Variants in SETD5 observed in about 807,000 individuals in gnomAD.
The protein encoded by SETD5 is SET domain containing 5, also known as histone-lysine N-methyltransferase SETD5.
A neutral mutation model predicts 153.3 loss-of-function variants in SETD5; 44 were observed. That is an observed-to-expected ratio of 0.29 (90% CI 0.23 to 0.37). The LOEUF is 0.37. SETD5 is among the 10% of genes least tolerant of loss of function. The probability of loss-of-function intolerance (pLI) is 1.00; values close to 1 mark genes in which losing one functional copy is unlikely to be tolerated. For missense variants in SETD5, 1,544 were observed against 1,768.0 expected (o/e 0.87, Z 2.27); for synonymous variants, 716 against 645.2 (o/e 1.11, Z -1.66).
At chr3:9,431,727 A>G in intron 3 of SETD5, 1 of 985,554 alleles carries the variant, frequency 1.0e-6, no homozygotes, top group Non-Finnish European at 1.2e-6. Flanking sequence ...TGAAGTGCAT[A>G]TGTTCATATT....
In SETD5 at chr3:9,476,950, A is replaced by T. The variant is rs1367219099; in HGVS notation, c.*859A>T. 4 of 152,662 alleles carry T rather than the reference A, an allele frequency of 2.6e-5. No homozygotes were observed. The highest frequency in any genetic ancestry group is 2.6e-4 in the Admixed American group (4 of 15,286). The allele number at this position is 152,662 out of a possible 1,614,324, so 9.5% of individuals were successfully genotyped here. A position where few individuals can be genotyped will look rare whatever the true frequency, so the allele number is the denominator to read the frequency against. Reference sequence around the variant, plus strand: ...TTGGCAATAAATTTCATTAGGAAGGATACCGAGTGGTTTGGGAATGCTTCG... The same window carrying T: ...TTGGCAATAAATTTCATTAGGAAGGTTACCGAGTGGTTTGGGAATGCTTCG... On this transcript the variant is annotated 3_prime_UTR_variant, in exon 23 of 23. Coordinates refer to ENST00000402198, the MANE Select transcript of SETD5 (RefSeq NM_001080517.3).
intron 20 of SETD5, among the ~76,000 whole-genome samples, chr3:9,473,741 A>G (rs907495726): frequency 1.4e-4 from 21 of 152,186 alleles, no homozygotes; most frequent in Admixed American, 1.3e-3. Flanking sequence ...AGAATTACCA[A>G]CATGCCTGTG....
At chr3:9,453,709 T>G (rs753745593) in intron 16 of SETD5, 30 bp from the exon 17 acceptor site, 1 of 1,558,992 alleles carries the variant, frequency 6.4e-7, no homozygotes, top group South Asian at 1.2e-5. Flanking sequence ...AGATAATTAT[T>G]GATAATTCTC....
chr3:9,461,587 AAAAGTAGGC>A (rs1256440041), intron 17 of SETD5, among the ~76,000 whole-genome samples: 1 of 152,224 alleles, frequency 6.6e-6, no homozygotes, highest in Non-Finnish European at 1.5e-5. Flanking sequence ...GAAAAAGAGA[AAAAGTAGGC>A]AAATGACTTG....
chr3:9,461,748 A>G (rs1276438659), intron 17 of SETD5, among the ~76,000 whole-genome samples: 2 of 152,228 alleles, frequency 1.3e-5, no homozygotes, highest in African/African-American at 4.8e-5. Context: ...CCTGTATCTT[A>G]TAACTCCTTT....
chr3:9,462,711 C>G (rs1424505351), intron 17 of SETD5, among the ~76,000 whole-genome samples: 1 of 151,994 alleles, frequency 6.6e-6, no homozygotes, highest in Admixed American at 6.6e-5. Flanking sequence ...AATTCAAGGC[C>G]AACATGGTGA....
intron 20 of SETD5, 132 bp downstream of exon 20, chr3:9,473,669 C>A: frequency 1.1e-6 from 1 of 900,768 alleles, no homozygotes; most frequent in Non-Finnish European, 1.7e-6. Flanking sequence ...GCCAACAGTA[C>A]CATCTGTCCT....
At chr3:9,449,671 G>A (rs1259618416) in intron 16 of SETD5, 1 of 152,176 alleles carries the variant, frequency 6.6e-6, no homozygotes, top group Non-Finnish European at 1.5e-5. Flanking sequence ...CCGGGGGAGG[G>A]GGGCATGAAA....
intron 16 of SETD5, among the ~76,000 whole-genome samples, chr3:9,451,756 G>A (rs2042653154): frequency 6.6e-6 from 1 of 152,198 alleles, no homozygotes. Flanking sequence ...TCACAGCCAA[G>A]TGTCAAGCCA....
intron 2 of SETD5, chr3:9,426,252 T>TTTTTTTTTTG (rs2039222851): frequency 7.4e-6 from 1 of 134,874 alleles, no homozygotes; most frequent in Non-Finnish European, 1.5e-5. Context: ...TTTTTTTTTT[T>TTTTTTTTTTG]GGCAACAGGG....
At chr3:9,464,762 C>T in intron 18 of SETD5, 90 bp downstream of exon 18, 4 of 1,583,246 alleles carry the variant, frequency 2.5e-6, no homozygotes, top group Non-Finnish European at 3.5e-6. Context: ...CCAAATGTTT[C>T]TTTACTATCT....
At chr3:9,431,844 A>G in intron 3 of SETD5, 7 of 437,374 alleles carry the variant, frequency 1.6e-5, no homozygotes, top group Non-Finnish European at 2.1e-5. Flanking sequence ...ACCAAAAAAA[A>G]ATCCATTCCT....
At chr3:9,473,116 G>C in intron 19 of SETD5, 120 bp from the exon 20 acceptor site, 1 of 1,223,050 alleles carries the variant, frequency 8.2e-7, no homozygotes. Context: ...TGCTTTGTTT[G>C]CGTGGCTTGG....
Position 9,433,732 on chromosome 3 carries a change from T to C in SETD5, c.72-113T>C. The C allele has an allele frequency of 2.7e-6, 3 of 1,106,720 alleles. No individual in the cohort carries two copies. In the South Asian group the frequency reaches 4.0e-5, roughly 15 times the overall value. 68.6% of individuals were successfully genotyped at this position (1,106,720 alleles called of 1,614,324 possible). Reference sequence around the variant, plus strand: ...TTGTTTCACCGAGTTCTTTCTCTTATCCTAGTGGCTAGTGGTTGTGGAAAG... The same window carrying C: ...TTGTTTCACCGAGTTCTTTCTCTTACCCTAGTGGCTAGTGGTTGTGGAAAG... On this transcript the variant is annotated intron_variant, in intron 3 of 22. Transcript: ENST00000402198.
chr3:9,403,501 C>T (rs1365866375), intron 1 of SETD5, among the ~76,000 whole-genome samples: 2 of 152,264 alleles, frequency 1.3e-5, no homozygotes, highest in Admixed American at 1.3e-4. Context: ...TCGTAGTTGT[C>T]TACAATTTTA....
chr3:9,445,792 C>T, intron 13 of SETD5, 52 bp downstream of exon 13: 3 of 1,297,350 alleles, frequency 2.3e-6, no homozygotes, highest in Non-Finnish European at 3.2e-6. Context: ...CTACCTCCAT[C>T]ATGTGAACCT....
chr3:9,446,306 A>AAAAAAAC lies in SETD5; in HGVS notation c.1524+568_1524+569insAAAACAA, dbSNP rs1553624517. On this transcript the variant is annotated intron_variant, in intron 13 of 22. Coordinates refer to ENST00000402198, the MANE Select transcript of SETD5 (RefSeq NM_001080517.3). ...CATCTCAAAAAAAAAAAAAAAAAAA[A>AAAAAAAC]AATCTGGTTTCCGAAAAACTGGCTG... 2.4e-4 allele frequency among the ~76,000 whole-genome samples: 29 copies of AAAAAAAC among 120,188 alleles called. 2 individuals are homozygous for AAAAAAAC. Among genetic ancestry groups the AAAAAAAC allele is most frequent in the East Asian group, 4.8e-4 (2 of 4,140 alleles). 78.8% of individuals were successfully genotyped at this position (120,188 alleles called of 152,430 possible).
chr3:9,399,527 A>C (rs1476725594), intron 1 of SETD5, among the ~76,000 whole-genome samples: 4 of 151,970 alleles, frequency 2.6e-5, no homozygotes, highest in Admixed American at 6.6e-5. Flanking sequence ...TAGAGTCTTT[A>C]AGGTTTACTC....
rs1272379454 is a variant in SETD5 at position 9,478,014 on chromosome 3, G to A, written c.*1923G>A. On this transcript the variant is annotated 3_prime_UTR_variant, in exon 23 of 23. Transcript: ENST00000402198. ...TTGGGGGGGTAGGGGCGGGGGGGTG[G>A]GGGGAACTCTTGGAAGGGAAGAAGT... 1 of 137,268 alleles carries A rather than the reference G, an allele frequency of 7.3e-6. No individual in the cohort carries two copies. Among genetic ancestry groups the A allele is most frequent in the Non-Finnish European group, 1.6e-5 (1 of 63,278 alleles). 8.5% of individuals were successfully genotyped at this position (137,268 alleles called of 1,614,324 possible). A position where few individuals can be genotyped will look rare whatever the true frequency, so the allele number is the denominator to read the frequency against.
Sources: allele counts gnomAD v4.1 joint callset (sites outside exome capture counted in the v4.1 genomes callset), GRCh38; gene constraint gnomAD v4.1.1; transcripts MANE v1.5; gene names NCBI Gene and HGNC (gene_info 2026-07-23, HGNC 2026-07-21).